Variants in DTNA observed in about 807,000 individuals in gnomAD.
DTNA encodes dystrobrevin alpha.
In DTNA, 43 loss-of-function variants were observed where a neutral mutation model predicts 100.7. The observed-to-expected ratio is 0.43, with a 90% CI of 0.33 to 0.55. DTNA has a LOEUF of 0.55. Among genes scored for constraint, DTNA ranks in the 20% least tolerant of loss-of-function variants. The pLI is 0.04. For synonymous variants in DTNA, 349 were observed against 347.9 expected (o/e 1.00, Z -0.04); for missense variants, 798 against 953.9 (o/e 0.84, Z 2.15).
At chr18:34,586,326 A>G (rs1214892696) in intron 1 of DTNA, among the ~76,000 whole-genome samples, 1 of 152,066 alleles carries the variant, frequency 6.6e-6, no homozygotes, top group East Asian at 1.9e-4. Context: ...AGAGGGAGTA[A>G]TGCCTTTTTT....
intron 1 of DTNA, among the ~76,000 whole-genome samples, chr18:34,497,809 AGATT>A (rs2039421244): frequency 6.6e-6 from 1 of 152,214 alleles, no homozygotes; most frequent in Admixed American, 6.5e-5. Context: ...GATGACTAAT[AGATT>A]ATGAGAAATG....
chr18:34,621,250 GAAT>G (rs1364423726), intron 1 of DTNA, among the ~76,000 whole-genome samples: 8 of 149,152 alleles, frequency 5.4e-5, no homozygotes, highest in Non-Finnish European at 1.0e-4. Flanking sequence ...TATATCCTGT[GAAT>G]AATGATTGTG....
chr18:34,662,312 A>G (rs2075311659), intron 1 of DTNA, among the ~76,000 whole-genome samples: 1 of 152,108 alleles, frequency 6.6e-6, no homozygotes, highest in Admixed American at 6.6e-5. Flanking sequence ...ACACTTACCT[A>G]TTTCCATCAT....
chr18:34,883,657 GA>G (rs954292389), intron 21 of DTNA, among the ~76,000 whole-genome samples: 1 of 151,200 alleles, frequency 6.6e-6, no homozygotes, highest in African/African-American at 2.4e-5. Context: ...CTTTGTTATT[GA>G]AAAAAAAGGG....
At chr18:34,865,232 A>G (rs1246083465) in intron 17 of DTNA, among the ~76,000 whole-genome samples, 2 of 151,454 alleles carry the variant, frequency 1.3e-5, no homozygotes, top group Non-Finnish European at 3.0e-5. Context: ...TGTTGTTTTT[A>G]TTTTGTCTGT....
intron 1 of DTNA, among the ~76,000 whole-genome samples, chr18:34,522,452 C>T (rs1010129597): frequency 1.3e-5 from 2 of 152,156 alleles, no homozygotes; most frequent in Admixed American, 1.3e-4. Flanking sequence ...AATGCTCACA[C>T]TGGGACTTTC....
chr18:34,619,128 G>A (rs987406927), intron 1 of DTNA, among the ~76,000 whole-genome samples: 1 of 152,080 alleles, frequency 6.6e-6, no homozygotes, highest in South Asian at 2.1e-4. Flanking sequence ...GTATTGGAGG[G>A]GCAAGAGTAT....
At chr18:34,792,177 A>G (rs1456630517) in intron 3 of DTNA, among the ~76,000 whole-genome samples, 3 of 152,050 alleles carry the variant, frequency 2.0e-5, no homozygotes, top group Non-Finnish European at 4.4e-5. Context: ...TATGAGAACC[A>G]TACTTTAGGT....
chr18:34,563,675 AT>A (rs2046836076), intron 1 of DTNA, among the ~76,000 whole-genome samples: 1 of 152,134 alleles, frequency 6.6e-6, no homozygotes, highest in African/African-American at 2.4e-5. Context: ...TTTAAGTTTC[AT>A]TGAGTTATAA....
At chr18:34,565,414 G>A (rs1005918634) in intron 1 of DTNA, among the ~76,000 whole-genome samples, 2 of 152,266 alleles carry the variant, frequency 1.3e-5, no homozygotes, top group East Asian at 1.9e-4. Context: ...TTTAGAAAGG[G>A]TACTGTATTG....
At chr18:34,654,248 C>A (rs1375025287) in intron 1 of DTNA, among the ~76,000 whole-genome samples, 1 of 152,200 alleles carries the variant, frequency 6.6e-6, no homozygotes, top group Non-Finnish European at 1.5e-5. Flanking sequence ...ACCTTGGAAA[C>A]AGCACTTTGC....
At chr18:34,746,548 A>G (rs999764520) in intron 1 of DTNA, among the ~76,000 whole-genome samples, 2 of 152,132 alleles carry the variant, frequency 1.3e-5, no homozygotes, top group African/African-American at 4.8e-5. Flanking sequence ...ATCGTATTGA[A>G]TAAAACATGA....
At chr18:34,686,544 A>G (rs1386857553) in intron 1 of DTNA, among the ~76,000 whole-genome samples, 1 of 152,150 alleles carries the variant, frequency 6.6e-6, no homozygotes, top group Non-Finnish European at 1.5e-5. Flanking sequence ...GTTTGCCAGT[A>G]CGTTATTGAA....
At chr18:34,770,043 C>T (rs575975714) in intron 3 of DTNA, among the ~76,000 whole-genome samples, 1 of 152,096 alleles carries the variant, frequency 6.6e-6, no homozygotes, top group East Asian at 1.9e-4. Context: ...TATAAGGGCA[C>T]TAATCCCCAC....
intron 1 of DTNA, among the ~76,000 whole-genome samples, chr18:34,653,859 G>T (rs1458357872): frequency 6.6e-6 from 1 of 151,944 alleles, no homozygotes; most frequent in Non-Finnish European, 1.5e-5. Flanking sequence ...ATACCACTGA[G>T]GAATCCATGC....
At chr18:34,874,814 C>A (rs2096799213) in intron 17 of DTNA, among the ~76,000 whole-genome samples, 1 of 152,184 alleles carries the variant, frequency 6.6e-6, no homozygotes. Flanking sequence ...AATGCTAGTA[C>A]AGTCAGGTTG....
In DTNA at chr18:34,546,085, A is replaced by G. The variant is rs190656103; in HGVS notation, c.-2+52571A>G. ...ATTTCCTGTAAATTGGTACAAGAGC[A>G]TAAGAAATGGCCAAGTGCTTTGAAA... On this transcript the variant is annotated intron_variant, in intron 1 of 19. Coordinates refer to the DTNA transcript ENST00000283365. Among the ~76,000 whole-genome samples, 3 of 152,284 alleles carry G rather than the reference A, an allele frequency of 2.0e-5. No individual in the cohort carries two copies. In the East Asian group the frequency reaches 5.8e-4, roughly 30 times the overall value.
chr18:34,772,593 G>C (rs567306941), intron 3 of DTNA, among the ~76,000 whole-genome samples: 1 of 152,240 alleles, frequency 6.6e-6, no homozygotes, highest in African/African-American at 2.4e-5. Context: ...TATGTTTTTA[G>C]TAGTAAACAC....
chr18:34,741,961 A>G (rs2147772222), intron 1 of DTNA, among the ~76,000 whole-genome samples: 1 of 152,318 alleles, frequency 6.6e-6, no homozygotes, highest in African/African-American at 2.4e-5. Flanking sequence ...TCTAAGCCTG[A>G]GTTTCCTCAT....
Sources: allele counts gnomAD v4.1 joint callset (sites outside exome capture counted in the v4.1 genomes callset), GRCh38; gene constraint gnomAD v4.1.1; transcripts MANE v1.5; gene names NCBI Gene and HGNC (gene_info 2026-07-23, HGNC 2026-07-21).